The following CSMD1 variants were observed in gnomAD, a reference collection of about 807,000 sequenced individuals.
CSMD1 encodes CUB and sushi domain-containing protein 1.
Under a neutral mutation model 417.5 loss-of-function variants are expected in CSMD1, and 213 were observed. The observed-to-expected ratio is 0.51, with a 90% CI of 0.46 to 0.57. The LOEUF is 0.57. Among genes scored for constraint, CSMD1 ranks in the 20% least tolerant of loss-of-function variants. CSMD1 has a pLI of 0.00. For synonymous variants in CSMD1, 2,862 were observed against 1,736.8 expected (o/e 1.65, Z -16.11); for missense variants, 6,923 against 4,529.7 (o/e 1.53, Z -15.17).
At chr8:4,647,235 ATTT>A (rs34641878) in intron 1 of CSMD1, among the ~76,000 whole-genome samples, 3 of 140,006 alleles carry the variant, frequency 2.1e-5, no homozygotes, top group African/African-American at 5.2e-5. Flanking sequence ...TGCTGTTTCT[ATTT>A]TTTTTTTTTT....
chr8:3,512,078 T>A (rs1279498517), intron 10 of CSMD1, among the ~76,000 whole-genome samples: 1 of 152,156 alleles, frequency 6.6e-6, no homozygotes, highest in African/African-American at 2.4e-5. Flanking sequence ...GAGTTACTTT[T>A]ACTCTGTGAT....
intron 27 of CSMD1, among the ~76,000 whole-genome samples, chr8:3,228,905 C>T (rs1041288711): frequency 6.6e-6 from 1 of 152,068 alleles, no homozygotes; most frequent in Non-Finnish European, 1.5e-5. Context: ...CTCCCGGTGA[C>T]TCAGCTTGAG....
intron 5 of CSMD1, among the ~76,000 whole-genome samples, chr8:3,776,792 G>A (rs1041781098): frequency 5.9e-5 from 6 of 102,322 alleles, no homozygotes; most frequent in Admixed American, 8.5e-5. Flanking sequence ...GTGATAGATA[G>A]TGACATATAG....
At chr8:3,959,010 C>T (rs35892603) in intron 5 of CSMD1, among the ~76,000 whole-genome samples, 2 of 152,296 alleles carry the variant, frequency 1.3e-5, no homozygotes, top group Non-Finnish European at 2.9e-5. Context: ...TCCCTCCTCC[C>T]TACTCTGCGG....
At chr8:4,803,681 G>T (rs1349654205) in intron 1 of CSMD1, among the ~76,000 whole-genome samples, 2 of 152,124 alleles carry the variant, frequency 1.3e-5, no homozygotes, top group Admixed American at 6.5e-5. Flanking sequence ...GTAAAATAAA[G>T]TTAAGCTCAT....
chr8:3,677,305 A>G (rs1323670006), intron 7 of CSMD1, among the ~76,000 whole-genome samples: 1 of 152,240 alleles, frequency 6.6e-6, no homozygotes, highest in African/African-American at 2.4e-5. Flanking sequence ...TGATTGATGT[A>G]ACAAAATGAC....
chr8:3,667,147 G>A (rs1024606004), intron 7 of CSMD1, among the ~76,000 whole-genome samples: 2 of 152,026 alleles, frequency 1.3e-5, no homozygotes, highest in Non-Finnish European at 2.9e-5. Flanking sequence ...AGGTAAAGGG[G>A]GGCTGTTCTT....
At chr8:3,179,090 G>GAT (rs568551154) in intron 37 of CSMD1, among the ~76,000 whole-genome samples, 1 of 151,262 alleles carries the variant, frequency 6.6e-6, no homozygotes, top group South Asian at 2.1e-4. Flanking sequence ...TGGGACTACA[G>GAT]GCCCGCCACC....
intron 52 of CSMD1, among the ~76,000 whole-genome samples, chr8:3,003,895 A>C (rs1807646604): frequency 6.6e-6 from 1 of 152,196 alleles, no homozygotes; most frequent in East Asian, 1.9e-4. Context: ...ATCTGTTAAA[A>C]TATGAAGACT....
chr8:4,949,069 T>C (rs973821752), intron 1 of CSMD1, among the ~76,000 whole-genome samples: 1 of 152,156 alleles, frequency 6.6e-6, no homozygotes, highest in African/African-American at 2.4e-5. Flanking sequence ...TTTTGGCTTC[T>C]GTTGGGATAA....
intron 3 of CSMD1, among the ~76,000 whole-genome samples, chr8:4,409,261 A>C (rs990629647): frequency 3.9e-5 from 6 of 152,142 alleles, no homozygotes; most frequent in African/African-American, 7.2e-5. Context: ...CATACTTCCT[A>C]CTTATTTCCA....
At chr8:4,261,702 T>C (rs1358108601) in intron 3 of CSMD1, among the ~76,000 whole-genome samples, 2 of 152,112 alleles carry the variant, frequency 1.3e-5, no homozygotes, top group Non-Finnish European at 2.9e-5. Flanking sequence ...GAGTCACCTC[T>C]TCTGGCTGAG....
intron 26 of CSMD1, among the ~76,000 whole-genome samples, chr8:3,233,254 T>C (rs1056296093): frequency 4.6e-5 from 7 of 152,122 alleles, no homozygotes; most frequent in African/African-American, 1.4e-4. Flanking sequence ...TGTAAATTAG[T>C]GGATTAACGG....
At position 4,753,213 on chromosome 8, in the gene CSMD1, T is replaced by C. The variant is rs147287038; in HGVS notation, c.86-115655A>G. Among the ~76,000 whole-genome samples, 847 of 152,210 alleles carry C rather than the reference T, an allele frequency of 5.6e-3. 4 individuals are homozygous for C. The highest frequency in any genetic ancestry group is 0.02 in the African/African-American group (814 of 41,546). On this transcript the variant is annotated intron_variant, in intron 1 of 69. Transcript: ENST00000635120. ...AGGAGTAAGGCCCGGGTCCCCATGA[T>C]GAGCTCATTTGCTTTTTTCTGCTGT...
rs932750175 is a variant in CSMD1, at chr8:4,171,333, G to C, written c.416-139234C>G. Among the ~76,000 whole-genome samples the C allele has an allele frequency of 2.0e-5, 3 of 151,880 alleles. 1 individual carries two copies. Among genetic ancestry groups the C allele is most frequent in the Admixed American group, 6.5e-5 (1 of 15,270 alleles). ...CTGTTTTCCAGGTGTAGGGATTACAGTTGTGGAAACAACTCCTTACCTTCC... is the reference window on the plus strand; with the variant it reads ...CTGTTTTCCAGGTGTAGGGATTACACTTGTGGAAACAACTCCTTACCTTCC... On this transcript the variant is annotated intron_variant, in intron 3 of 69. Coordinates refer to ENST00000635120, the MANE Select transcript of CSMD1 (RefSeq NM_033225.6).
At chr8:3,674,928 G>A (rs13265238) in intron 7 of CSMD1, among the ~76,000 whole-genome samples, 5 of 151,906 alleles carry the variant, frequency 3.3e-5, no homozygotes, top group Non-Finnish European at 7.4e-5. Context: ...TATGCAACAC[G>A]TCACCCCCTA....
chr8:3,693,368 C>G (rs144156705), intron 7 of CSMD1, among the ~76,000 whole-genome samples: 1 of 151,612 alleles, frequency 6.6e-6, no homozygotes, highest in East Asian at 1.9e-4. Context: ...TGATAAAATC[C>G]GAGTAATGTG....
At chr8:4,976,993 A>T (rs1177577999) in intron 1 of CSMD1, among the ~76,000 whole-genome samples, 3 of 152,188 alleles carry the variant, frequency 2.0e-5, no homozygotes, top group African/African-American at 7.2e-5. Flanking sequence ...GCAATTTGTC[A>T]GATGTCTCCC....
chr8:4,306,590 T>C (rs1281176864), intron 3 of CSMD1, among the ~76,000 whole-genome samples: 2 of 152,176 alleles, frequency 1.3e-5, no homozygotes, highest in Non-Finnish European at 2.9e-5. Context: ...GTATTAAGCA[T>C]CCTGATGCTT....
Sources: gnomAD v4.1 joint callset for allele counts (sites outside exome capture counted in the v4.1 genomes callset) on GRCh38, gnomAD v4.1.1 for gene constraint, MANE v1.5 for transcripts, NCBI Gene and HGNC (gene_info 2026-07-23, HGNC 2026-07-21) for gene names.